The following GTF2E1 variants were observed in gnomAD, a reference collection of about 807,000 sequenced individuals.
GTF2E1 encodes the protein general transcription factor IIE subunit 1.
In GTF2E1, 14 loss-of-function variants were observed where a neutral mutation model predicts 34.9. The ratio of observed to expected loss-of-function variants is 0.40; its 90% CI spans 0.27 to 0.63. The LOEUF (loss-of-function observed/expected upper bound fraction) is 0.63, where lower values mean the gene tolerates loss of function less well. Ranked by LOEUF, GTF2E1 falls within the 20% of genes least tolerant of loss-of-function variation. The pLI is 0.39. For synonymous variants in GTF2E1, 188 were observed against 192.9 expected (o/e 0.97, Z 0.21); for missense variants, 469 against 557.7 (o/e 0.84, Z 1.60).
chr3:120,780,677 G>T (rs1709438994), intron 4 of GTF2E1, among the ~76,000 whole-genome samples: 1 of 152,164 alleles, frequency 6.6e-6, no homozygotes, highest in African/African-American at 2.4e-5. Context: ...ATTCTTCATA[G>T]ACATTATCTT....
chr3:120,747,495 G>A (rs374466223), intron 1 of GTF2E1, among the ~76,000 whole-genome samples: 24 of 152,016 alleles, frequency 1.6e-4, no homozygotes, highest in Non-Finnish European at 2.9e-4. Context: ...AGATATATGC[G>A]GTGTTTGGTT....
chr3:120,748,129 C>T (rs546011656), intron 1 of GTF2E1, among the ~76,000 whole-genome samples: 17 of 152,144 alleles, frequency 1.1e-4, no homozygotes, highest in South Asian at 6.2e-4. Context: ...TGTTTGAGTT[C>T]GTTATAGATT....
At chr3:120,775,256 C>T (rs907344377) in intron 3 of GTF2E1, among the ~76,000 whole-genome samples, 14 of 152,060 alleles carry the variant, frequency 9.2e-5, no homozygotes, top group African/African-American at 2.7e-4. Context: ...CAGAATGAGT[C>T]GGGGCTCCAC....
Position 120,761,633 on chromosome 3 carries a change from T to C in GTF2E1, c.449-9095T>C, listed in dbSNP as rs546184050. On this transcript the variant is annotated intron_variant, in intron 2 of 4. Transcript: ENST00000283875. Reference sequence around the variant, plus strand: ...CTGATATGTTGTGTCTTTGTTCTCATTGGTTTCAAAGAACATCTTTATTTC... The same window carrying C: ...CTGATATGTTGTGTCTTTGTTCTCACTGGTTTCAAAGAACATCTTTATTTC... 3.9e-5 allele frequency among the ~76,000 whole-genome samples: 6 copies of C among 152,336 alleles called. No homozygotes were observed. The East Asian group carries it at 9.7e-4, about 25-fold the overall frequency.
intron 2 of GTF2E1, among the ~76,000 whole-genome samples, chr3:120,766,202 C>T (rs1265860838): frequency 1.3e-5 from 2 of 152,166 alleles, no homozygotes; most frequent in African/African-American, 4.8e-5. Context: ...TTCTGGACCT[C>T]TGGGATCAGC....
chr3:120,781,342 G>T lies in GTF2E1; in HGVS notation c.1192G>T (p.Val398Leu), dbSNP rs1459320896. ...AGTAGCAGATGACCCCATTGTCATG[G>T]TGGCTGGCCGTCCGTTCTCCTACAG... is the stretch of plus-strand genomic sequence containing the variant. The part of the protein sequence containing the change: ...EEVADDPIVM[V>L]AGRPFSYSEV... Residue 398 changes from valine to leucine, a missense_variant, in exon 5 of 5, where the codon GTG becomes TTG. Val to Leu is a conservative substitution (Grantham distance 32). Transcript: ENST00000283875. 6.2e-7 allele frequency: 1 copy of T among 1,614,150 alleles called. No homozygotes were observed. Among genetic ancestry groups the T allele is most frequent in the East Asian group, 2.2e-5 (1 of 44,870 alleles).
intron 4 of GTF2E1, among the ~76,000 whole-genome samples, chr3:120,778,801 T>C (rs993597004): frequency 2.6e-5 from 4 of 152,228 alleles, no homozygotes; most frequent in Non-Finnish European, 5.9e-5. Context: ...TAGGTTCTTC[T>C]GTGCCTTGAA....
intron 3 of GTF2E1, among the ~76,000 whole-genome samples, chr3:120,773,852 T>A (rs1005729394): frequency 6.6e-6 from 1 of 152,172 alleles, no homozygotes; most frequent in Non-Finnish European, 1.5e-5. Context: ...CAAACTAGAA[T>A]AAAACCCATC....
rs1709459497 is a variant in GTF2E1 at position 120,782,806 on chromosome 3, T to G, written c.*1336T>G. On this transcript the variant is annotated 3_prime_UTR_variant, in exon 5 of 5. Transcript: ENST00000283875. ...GCATCCAGTATACCATTGAGCATTG[T>G]AACCTCAGGAAACAGTTTATTTTGG... 6.6e-6 allele frequency: 1 copy of G among 152,204 alleles called. No individual in the cohort carries two copies. Among genetic ancestry groups the G allele is most frequent in the African/African-American group, 2.4e-5 (1 of 41,450 alleles). 9.4% of individuals were successfully genotyped at this position (152,204 alleles called of 1,614,324 possible). A position where few individuals can be genotyped will look rare whatever the true frequency, so the allele number is the denominator to read the frequency against.
chr3:120,777,935 G>C (rs1709415521), intron 4 of GTF2E1, among the ~76,000 whole-genome samples: 1 of 152,198 alleles, frequency 6.6e-6, no homozygotes, highest in Admixed American at 6.5e-5. Flanking sequence ...TGTTGTCCAG[G>C]CTGGTCTCAA....
intron 2 of GTF2E1, among the ~76,000 whole-genome samples, chr3:120,759,823 G>T (rs950173433): frequency 1.3e-5 from 2 of 152,196 alleles, no homozygotes; most frequent in Non-Finnish European, 2.9e-5. Flanking sequence ...GCAGTAACGT[G>T]CTGTTTTGGT....
intron 2 of GTF2E1, among the ~76,000 whole-genome samples, chr3:120,762,491 T>C (rs989993937): frequency 6.6e-6 from 1 of 152,234 alleles, no homozygotes; most frequent in Non-Finnish European, 1.5e-5. Context: ...TCTCTTTTGA[T>C]GCAAAGTGAT....
At chr3:120,748,278 G>T (rs1292322417) in intron 1 of GTF2E1, among the ~76,000 whole-genome samples, 4 of 151,118 alleles carry the variant, frequency 2.6e-5, no homozygotes, top group African/African-American at 4.8e-5. Context: ...GTCAATTTTG[G>T]CTTTTGTTGC....
At chr3:120,751,900 C>T (rs1464267230) in intron 2 of GTF2E1, among the ~76,000 whole-genome samples, 1 of 151,948 alleles carries the variant, frequency 6.6e-6, no homozygotes, top group Non-Finnish European at 1.5e-5. Context: ...TTAAAAACTT[C>T]GTCTGAAAGT....
At chr3:120,760,047 G>T (rs542216323) in intron 2 of GTF2E1, among the ~76,000 whole-genome samples, 1 of 152,264 alleles carries the variant, frequency 6.6e-6, no homozygotes, top group African/African-American at 2.4e-5. Flanking sequence ...CCATTTTCAC[G>T]ATATTGATTC....
intron 2 of GTF2E1, among the ~76,000 whole-genome samples, chr3:120,753,013 T>C (rs895367855): frequency 3.3e-5 from 5 of 152,206 alleles, no homozygotes; most frequent in Admixed American, 3.3e-4. Flanking sequence ...ACTTGCCTTT[T>C]TATTGTAACG....
chr3:120,750,988 G>C lies in GTF2E1; in HGVS notation c.436G>C (p.Asp146His). The change falls in exon 2 of 5, where the codon GAT (aspartate) becomes CAT (histidine). Residue 146 changes from aspartate (D) to histidine (H), a missense_variant. Physicochemically the swap from Asp to His is moderately conservative, Grantham distance 81. Coordinates refer to ENST00000283875, the MANE Select transcript of GTF2E1 (RefSeq NM_005513.3). ...AGACTTAGAAGCTAATCAGCTCTTT[G>C]ATCCTATGACAGGTGAGGTTTATCC... ...FTDLEANQLF[D>H]PMTGTFRCTF... 1.2e-6 allele frequency: 2 copies of C among 1,609,612 alleles called. No individual in the cohort carries two copies. Among genetic ancestry groups the C allele is most frequent in the Non-Finnish European group, 1.7e-6 (2 of 1,176,406 alleles).
At chr3:120,760,771 A>C (rs2107608529) in intron 2 of GTF2E1, among the ~76,000 whole-genome samples, 1 of 152,254 alleles carries the variant, frequency 6.6e-6, no homozygotes, top group Admixed American at 6.5e-5. Context: ...CCCAGCGATG[A>C]AGCCGACTTG....
At position 120,750,688 on chromosome 3, in the gene GTF2E1, G is replaced by A; in HGVS notation, c.136G>A (p.Glu46Lys). 6.2e-7 allele frequency: 1 copy of A among 1,614,014 alleles called. No individual in the cohort carries two copies. ...GATCAGGAACTCCTGTGTGAAAGAG[G>A]AGGATATGCTGGAGCTGCTCAAGTT... ...ILIRNSCVKE[E>K]DMLELLKFDR... The change falls in exon 2 of 5, where the codon GAG becomes AAG. Residue 46 changes from glutamate to lysine, a missense_variant. Coordinates refer to ENST00000283875, the MANE Select transcript of GTF2E1 (RefSeq NM_005513.3).
Sources: allele counts gnomAD v4.1 joint callset (sites outside exome capture counted in the v4.1 genomes callset), GRCh38; gene constraint gnomAD v4.1.1; transcripts MANE v1.5; gene names NCBI Gene and HGNC (gene_info 2026-07-23, HGNC 2026-07-21).